Variants in KCTD1 observed in about 807,000 individuals in gnomAD.
The protein encoded by KCTD1 is potassium channel tetramerization domain containing 1.
In KCTD1, 24 loss-of-function variants were observed where a neutral mutation model predicts 66.0. The ratio of observed to expected loss-of-function variants is 0.36; its 90% confidence interval spans 0.26 to 0.51. The LOEUF is 0.51. Among genes scored for constraint, KCTD1 ranks in the 20% least tolerant of loss-of-function variants. The probability of loss-of-function intolerance (pLI) is 0.95; values close to 1 mark genes in which losing one functional copy is unlikely to be tolerated. For missense variants in KCTD1, 943 were observed against 1,205.2 expected, an observed-to-expected ratio of 0.78 and a Z score of 3.22; for synonymous variants, 511 against 517.2, an observed-to-expected ratio of 0.99 and a Z score of 0.16.
chr18:26,535,449 G>T (rs570941394), intron 1 of KCTD1, among the ~76,000 whole-genome samples: 3 of 151,650 alleles, frequency 2.0e-5, no homozygotes, highest in African/African-American at 7.3e-5. Context: ...AATGGCTCCC[G>T]GGGGCTTGAC....
intron 1 of KCTD1, among the ~76,000 whole-genome samples, chr18:26,506,185 A>T (rs1983027706): frequency 6.6e-6 from 1 of 152,144 alleles, no homozygotes; most frequent in South Asian, 2.1e-4. Context: ...CCCAGCCCAT[A>T]ACACTTATTA....
At position 26,546,994 on chromosome 18, in the gene KCTD1, T is replaced by A. The variant is rs1567988529; in HGVS notation, c.1543A>T (p.Ile515Phe). ...PQPPSLGNTY[I>F]LPKDSQVGPD... The stretch of plus-strand genomic sequence containing the variant: ...CCGACCTGGCTGTCTTTGGGGAGGA[T>A]GTAAGTGTTCCCCAGCGAGGGCGGC... Residue 515 changes from isoleucine (I) to phenylalanine (F), a missense_variant, in exon 1 of 5, where the codon ATC (isoleucine) becomes TTC (phenylalanine). This residue lies in a region of KCTD1 where 197 missense variants were observed against 182.7 expected (regional missense o/e 1.08). Transcript: ENST00000580059. 2.1e-5 allele frequency: 31 copies of A among 1,453,346 alleles called. No homozygotes were observed. The highest frequency in any genetic ancestry group is 1.5e-5 in the Non-Finnish European group (16 of 1,098,724). 90.0% of individuals were successfully genotyped at this position (1,453,346 alleles called of 1,614,324 possible). A position where few individuals can be genotyped will look rare whatever the true frequency, so the allele number is the denominator to read the frequency against.
intron 1 of KCTD1, among the ~76,000 whole-genome samples, chr18:26,586,385 A>G (rs760351748): frequency 7.9e-5 from 12 of 152,224 alleles, no homozygotes; most frequent in Non-Finnish European, 1.8e-4. Flanking sequence ...ATGTGTTCCG[A>G]CTGCTCCACC....
chr18:26,651,197 A>C (rs890947302), intron 1 of KCTD1, among the ~76,000 whole-genome samples: 8 of 152,238 alleles, frequency 5.3e-5, no homozygotes, highest in Non-Finnish European at 1.0e-4. Flanking sequence ...AACAGGAGGA[A>C]TGGAAGCCGG....
chr18:26,463,617 A>G lies in KCTD1; in HGVS notation c.2134-3692T>C, dbSNP rs191414528. On this transcript the variant is annotated intron_variant, in intron 3 of 4. Transcript: ENST00000580059. Reference sequence around the variant, plus strand: ...AGTGTTGTGATCTCAGCTCACTGCAACCTCTGCCTCCTGGGTTCAAGCGAT... The same window carrying G: ...AGTGTTGTGATCTCAGCTCACTGCAGCCTCTGCCTCCTGGGTTCAAGCGAT... Among the ~76,000 whole-genome samples the G allele has an allele frequency of 3.5e-3, 526 of 152,038 alleles. 7 individuals are homozygous for G. The highest frequency in any genetic ancestry group is 1.8e-3 in the Non-Finnish European group (122 of 67,962).
chr18:26,487,587 A>G (rs1431484969), intron 2 of KCTD1, among the ~76,000 whole-genome samples: 5 of 152,246 alleles, frequency 3.3e-5, no homozygotes, highest in Non-Finnish European at 7.3e-5. Context: ...TAATGATTCA[A>G]AGACAACACT....
At chr18:26,507,054 T>G (rs962460056) in intron 1 of KCTD1, among the ~76,000 whole-genome samples, 5 of 152,122 alleles carry the variant, frequency 3.3e-5, no homozygotes, top group Admixed American at 6.5e-5. Flanking sequence ...TAATCCCAGC[T>G]ACTCGGGAGG....
upstream of KCTD1, among the ~76,000 whole-genome samples, chr18:26,642,764 C>G (rs567563713): frequency 1.9e-4 from 29 of 152,000 alleles, no homozygotes; most frequent in African/African-American, 7.0e-4. Flanking sequence ...AAAATAAAAC[C>G]TTTAGAGCAT....
In KCTD1 at chr18:26,601,878, T is replaced by C. The variant is rs113319448; in HGVS notation, c.-16+27269A>G. Among the ~76,000 whole-genome samples, 834 of 152,322 alleles carry C rather than the reference T, an allele frequency of 5.5e-3. 3 individuals are homozygous for C. Among genetic ancestry groups the C allele is most frequent in the African/African-American group, 0.019 (774 of 41,582 alleles). ...GCAACCTTGCAGAACTTGTTTGTTT[T>C]TATCATTTTTGGTGGATTTCTTAGT... On this transcript the variant is annotated intron_variant, in intron 1 of 4. Coordinates refer to the KCTD1 transcript ENST00000317932.
intron 1 of KCTD1, among the ~76,000 whole-genome samples, chr18:26,575,937 C>CT: frequency 6.6e-6 from 1 of 152,262 alleles, no homozygotes; most frequent in African/African-American, 2.4e-5. Context: ...GGCTTGCTTG[C>CT]TTTTTTACTT....
chr18:26,549,872 C>A (rs868274701), upstream of KCTD1: 1 of 916,178 alleles, frequency 1.1e-6, no homozygotes. Context: ...CCACTTCCAG[C>A]CAAACGCCCG....
At chr18:26,542,805 A>G (rs1027269059) in intron 1 of KCTD1, among the ~76,000 whole-genome samples, 1 of 152,160 alleles carries the variant, frequency 6.6e-6, no homozygotes, top group African/African-American at 2.4e-5. Context: ...TTTCTGTTTC[A>G]TGGGTCAGCT....
intron 1 of KCTD1, among the ~76,000 whole-genome samples, chr18:26,620,189 C>G (rs1009763291): frequency 7.2e-5 from 11 of 151,730 alleles, no homozygotes; most frequent in African/African-American, 2.7e-4. Flanking sequence ...CTGTGGAATG[C>G]GGGGACTGAT....
At chr18:26,647,591 T>C (rs1479210903) in intron 1 of KCTD1, among the ~76,000 whole-genome samples, 1 of 145,288 alleles carries the variant, frequency 6.9e-6, no homozygotes, top group African/African-American at 2.5e-5. Flanking sequence ...ATTTTGAGAG[T>C]TGTCTCTTCT....
upstream of KCTD1, among the ~76,000 whole-genome samples, chr18:26,549,995 A>G (rs1985489790): frequency 6.6e-6 from 1 of 151,952 alleles, no homozygotes; most frequent in Admixed American, 6.5e-5. Flanking sequence ...CTTAGGAGGC[A>G]CAGCCCAGGC....
intron 1 of KCTD1, among the ~76,000 whole-genome samples, chr18:26,640,044 T>C (rs1276309471): frequency 6.6e-6 from 1 of 151,588 alleles, no homozygotes; most frequent in Non-Finnish European, 1.5e-5. Flanking sequence ...AGGGAGGAGG[T>C]AGGTGGGACA....
At chr18:26,593,680 G>A (rs1002813634) in intron 1 of KCTD1, among the ~76,000 whole-genome samples, 2 of 89,770 alleles carry the variant, frequency 2.2e-5, no homozygotes, top group African/African-American at 4.5e-5. Context: ...GGAAGATGAG[G>A]AGGAGGAGGA....
intron 3 of KCTD1, among the ~76,000 whole-genome samples, chr18:26,466,804 G>A (rs757935708): frequency 4.6e-5 from 7 of 152,118 alleles, no homozygotes; most frequent in African/African-American, 1.7e-4. Context: ...CAAGTCTAAC[G>A]TAAACCCATC....
intron 1 of KCTD1, among the ~76,000 whole-genome samples, chr18:26,575,786 T>A (rs1285812454): frequency 6.6e-6 from 1 of 152,238 alleles, no homozygotes; most frequent in East Asian, 1.9e-4. Flanking sequence ...TAGCGTGCTA[T>A]CGTCCCTTAC....
Sources: allele counts gnomAD v4.1 joint callset (sites outside exome capture counted in the v4.1 genomes callset), GRCh38; gene constraint gnomAD v4.1.1; regional missense constraint gnomAD v4.1.1; transcripts MANE v1.5; gene names NCBI Gene and HGNC (gene_info 2026-07-23, HGNC 2026-07-21).